The following CNTNAP2 variants were observed in gnomAD, a reference collection of about 807,000 sequenced individuals.
The protein encoded by CNTNAP2 is contactin associated protein 2.
A neutral mutation model predicts 155.2 loss-of-function variants in CNTNAP2; 98 were observed. The observed-to-expected ratio is 0.63, with a 90% confidence interval of 0.54 to 0.75. The LOEUF is 0.75. Ranked by LOEUF, CNTNAP2 falls within the 30% of genes least tolerant of loss-of-function variation. The pLI, the probability that CNTNAP2 is intolerant of heterozygous loss-of-function variation, is 0.00. For synonymous variants in CNTNAP2, 651 were observed against 631.2 expected (o/e 1.03, Z -0.47); for missense variants, 1,727 against 1,688.1 (o/e 1.02, Z -0.40).
intron 1 of CNTNAP2, among the ~76,000 whole-genome samples, chr7:146,151,561 A>T (rs1291519991): frequency 1.4e-5 from 2 of 146,060 alleles, no homozygotes; most frequent in African/African-American, 5.0e-5. Flanking sequence ...TGTTCATTGA[A>T]GCGTTATTTG....
At chr7:147,649,121 T>G (rs1795411497) in intron 13 of CNTNAP2, among the ~76,000 whole-genome samples, 1 of 152,208 alleles carries the variant, frequency 6.6e-6, no homozygotes, top group Admixed American at 6.5e-5. Flanking sequence ...TAAGGGTAGC[T>G]CGAGTTGTAC....
intron 13 of CNTNAP2, among the ~76,000 whole-genome samples, chr7:147,823,915 A>G (rs1798402688): frequency 6.6e-6 from 1 of 152,186 alleles, no homozygotes; most frequent in Non-Finnish European, 1.5e-5. Context: ...AAATAAATAA[A>G]GCAGCAAATA....
intron 20 of CNTNAP2, among the ~76,000 whole-genome samples, chr7:148,256,226 T>C (rs920488916): frequency 6.6e-6 from 1 of 152,116 alleles, no homozygotes; most frequent in African/African-American, 2.4e-5. Flanking sequence ...CGAAGTTGAA[T>C]AGTGCCCTGA....
chr7:147,541,753 A>G (rs1249961023), intron 11 of CNTNAP2, among the ~76,000 whole-genome samples: 1 of 152,164 alleles, frequency 6.6e-6, no homozygotes, highest in Non-Finnish European at 1.5e-5. Flanking sequence ...TAACCTTCTC[A>G]TATTATGTTT....
chr7:147,431,247 C>A (rs2116528877), intron 10 of CNTNAP2, among the ~76,000 whole-genome samples: 1 of 152,258 alleles, frequency 6.6e-6, no homozygotes, highest in Non-Finnish European at 1.5e-5. Flanking sequence ...TATCTGGTCA[C>A]AAACCTTTAA....
At chr7:146,333,440 A>G (rs930102031) in intron 1 of CNTNAP2, among the ~76,000 whole-genome samples, 7 of 152,184 alleles carry the variant, frequency 4.6e-5, no homozygotes, top group Non-Finnish European at 8.8e-5. Context: ...TCAGAGTAGA[A>G]ACACAAGCCT....
chr7:148,083,405 G>T (rs374490064), intron 15 of CNTNAP2, among the ~76,000 whole-genome samples: 13 of 152,134 alleles, frequency 8.5e-5, no homozygotes, highest in African/African-American at 2.7e-4. Flanking sequence ...CATTTGTAAG[G>T]GAGAAAACGA....
intron 3 of CNTNAP2, among the ~76,000 whole-genome samples, chr7:146,927,555 G>T (rs1018138762): frequency 5.3e-5 from 8 of 151,874 alleles, no homozygotes; most frequent in African/African-American, 1.9e-4. Context: ...TTTGTATAAA[G>T]ATATACAATA....
At chr7:146,600,412 G>A (rs1468215769) in intron 1 of CNTNAP2, among the ~76,000 whole-genome samples, 2 of 151,908 alleles carry the variant, frequency 1.3e-5, no homozygotes, top group African/African-American at 4.8e-5. Flanking sequence ...TTAAAAAGAC[G>A]TTTTAAAATA....
At chr7:146,149,473 T>A (rs905135256) in intron 1 of CNTNAP2, among the ~76,000 whole-genome samples, 3 of 152,026 alleles carry the variant, frequency 2.0e-5, no homozygotes, top group African/African-American at 7.2e-5. Flanking sequence ...AATTTGCCCA[T>A]CAAATTTGGG....
At chr7:147,628,393 A>G (rs1290025545) in intron 12 of CNTNAP2, among the ~76,000 whole-genome samples, 1 of 152,214 alleles carries the variant, frequency 6.6e-6, no homozygotes, top group Non-Finnish European at 1.5e-5. Flanking sequence ...AGCTTCATAA[A>G]TGAAGGAGAG....
chr7:147,295,159 C>T (rs968705761), intron 8 of CNTNAP2, among the ~76,000 whole-genome samples: 4 of 151,966 alleles, frequency 2.6e-5, no homozygotes, highest in Non-Finnish European at 5.9e-5. Flanking sequence ...ATTTCCAGAC[C>T]TGATGCTGTA....
intron 13 of CNTNAP2, among the ~76,000 whole-genome samples, chr7:147,654,073 G>A (rs1457979793): frequency 1.3e-5 from 2 of 152,074 alleles, no homozygotes; most frequent in Non-Finnish European, 2.9e-5. Context: ...CAATTTATAA[G>A]GTTCTAATGT....
chr7:147,943,702 G>T (rs1409509832), intron 14 of CNTNAP2, among the ~76,000 whole-genome samples: 2 of 135,160 alleles, frequency 1.5e-5, no homozygotes, highest in Non-Finnish European at 3.1e-5. Context: ...GACAGAGGTT[G>T]CAGTGAGCTG....
chr7:148,408,345 T>G (rs1799751969), intron 22 of CNTNAP2, among the ~76,000 whole-genome samples: 1 of 152,140 alleles, frequency 6.6e-6, no homozygotes, highest in South Asian at 2.1e-4. Context: ...GGAATCTCCC[T>G]TTTTGGTTGC....
chr7:146,846,071 A>G (rs1160814003), intron 3 of CNTNAP2, among the ~76,000 whole-genome samples: 1 of 152,196 alleles, frequency 6.6e-6, no homozygotes, highest in Non-Finnish European at 1.5e-5. Context: ...TTCTTTCAAA[A>G]TATCTAGAAT....
At chr7:147,431,642 G>A (rs1475285789) in intron 10 of CNTNAP2, among the ~76,000 whole-genome samples, 1 of 152,108 alleles carries the variant, frequency 6.6e-6, no homozygotes, top group Non-Finnish European at 1.5e-5. Flanking sequence ...TGACCGCCAT[G>A]TCTCTTAATA....
intron 1 of CNTNAP2, among the ~76,000 whole-genome samples, chr7:146,297,788 G>A (rs1424449185): frequency 6.6e-6 from 1 of 152,060 alleles, no homozygotes; most frequent in Non-Finnish European, 1.5e-5. Context: ...CATTCTTTAT[G>A]CTAGAAAGAT....
intron 3 of CNTNAP2, among the ~76,000 whole-genome samples, chr7:147,013,864 A>G (rs945603737): frequency 6.6e-6 from 1 of 152,166 alleles, no homozygotes; most frequent in African/African-American, 2.4e-5. Context: ...ACCCAAATAC[A>G]GTGCTAAGAG....
Sources: allele counts gnomAD v4.1 joint callset (sites outside exome capture counted in the v4.1 genomes callset), GRCh38; gene constraint gnomAD v4.1.1; transcripts MANE v1.5; gene names NCBI Gene and HGNC (gene_info 2026-07-23, HGNC 2026-07-21).